Variants in MAPKAP1 observed in about 807,000 individuals in gnomAD.
The protein encoded by MAPKAP1 is target of rapamycin complex 2 subunit MAPKAP1.
In MAPKAP1, 20 loss-of-function variants were observed where a neutral mutation model predicts 65.7. The observed-to-expected ratio is 0.30, with a 90% CI of 0.21 to 0.44. The LOEUF is 0.44. Ranked by LOEUF, MAPKAP1 falls within the 20% of genes least tolerant of loss-of-function variation. MAPKAP1 has a pLI of 1.00. For synonymous variants in MAPKAP1, 222 were observed against 244.3 expected, an observed-to-expected ratio of 0.91 and a Z score of 0.85; for missense variants, 423 against 648.0, an observed-to-expected ratio of 0.65 and a Z score of 3.77.
In MAPKAP1 at chr9:125,585,605, G is replaced by T; in HGVS notation, c.621C>A (p.Ile207=). The T allele has an allele frequency of 6.2e-7, 1 of 1,614,224 alleles. No individual in the cohort carries two copies. Among genetic ancestry groups the T allele is most frequent in the Non-Finnish European group, 8.5e-7 (1 of 1,180,038 alleles). Residue 207 remains isoleucine, a synonymous_variant, in exon 5 of 12, where the codon ATC becomes ATA. Transcript: ENST00000265960. ...TMASARVQDL[I]GLICWQYTSE... is the part of the protein sequence containing the mutation. ...TTGTATACTGCCAGCAGATGAGCCC[G>T]ATCAGGTCCTGCACCCTGGCGCTGG...
At chr9:125,469,778 G>A (rs1009256804) in intron 9 of MAPKAP1, among the ~76,000 whole-genome samples, 2 of 152,216 alleles carry the variant, frequency 1.3e-5, no homozygotes, top group African/African-American at 4.8e-5. Context: ...GGGTGAGAAT[G>A]TATCAGGAGA....
At chr9:125,627,967 C>T (rs574694711) in intron 4 of MAPKAP1, among the ~76,000 whole-genome samples, 20 of 152,164 alleles carry the variant, frequency 1.3e-4, no homozygotes, top group African/African-American at 4.1e-4. Flanking sequence ...TAATTCTCTA[C>T]GACAAAGGCG....
intron 3 of MAPKAP1, among the ~76,000 whole-genome samples, chr9:125,663,857 T>C (rs945771272): frequency 6.6e-6 from 1 of 152,106 alleles, no homozygotes; most frequent in Non-Finnish European, 1.5e-5. Context: ...TCCTGACGAA[T>C]ATAAACAGTT....
At chr9:125,585,800 T>G in intron 4 of MAPKAP1, 73 bp from the exon 5 acceptor site, 3 of 1,428,916 alleles carry the variant, frequency 2.1e-6, no homozygotes, top group Non-Finnish European at 2.9e-6. Flanking sequence ...TCCAGGCCTG[T>G]GGGCAGCACA....
At chr9:125,500,889 C>CTTTAAA (rs1372420252) in intron 8 of MAPKAP1, among the ~76,000 whole-genome samples, 1 of 152,058 alleles carries the variant, frequency 6.6e-6, no homozygotes, top group Non-Finnish European at 1.5e-5. Context: ...AGATGACAGA[C>CTTTAAA]TTTAAAGAAT....
intron 8 of MAPKAP1, among the ~76,000 whole-genome samples, chr9:125,491,070 G>A (rs571265432): frequency 6.6e-6 from 1 of 151,678 alleles, no homozygotes; most frequent in South Asian, 2.1e-4. Context: ...GCCAGTAGGC[G>A]GAGGCTGAAG....
chr9:125,646,714 G>A (rs1378148728), intron 4 of MAPKAP1, among the ~76,000 whole-genome samples: 2 of 152,124 alleles, frequency 1.3e-5, no homozygotes, highest in Non-Finnish European at 2.9e-5. Flanking sequence ...AAAGAACCCA[G>A]CAAGTTATTG....
intron 1 of MAPKAP1, among the ~76,000 whole-genome samples, chr9:125,698,284 TATAAATATATATA>T (rs1835456610): frequency 3.9e-5 from 1 of 25,906 alleles, no homozygotes; most frequent in African/African-American, 3.2e-4. Flanking sequence ...ACATAATATA[TATAAATATATATA>T]TATATATATA....
Position 125,438,462 on chromosome 9 carries a change from C to T in MAPKAP1, c.*425G>A, listed in dbSNP as rs1852368222. The T allele has an allele frequency of 5.0e-6, 2 of 400,966 alleles. No individual in the cohort carries two copies. Among genetic ancestry groups the T allele is most frequent in the Non-Finnish European group, 8.8e-6 (2 of 227,436 alleles). The allele number at this position is 400,966 out of a possible 1,614,324, so 24.8% of individuals were successfully genotyped here. A position where few individuals can be genotyped will look rare whatever the true frequency, so the allele number is the denominator to read the frequency against. ...CCGCCCCAAAGAATGGTCCATCATA[C>T]CAACCATGATAAAGAGTACACCTGT... On this transcript the variant is annotated 3_prime_UTR_variant, in exon 12 of 12. Coordinates refer to ENST00000265960, the MANE Select transcript of MAPKAP1 (RefSeq NM_001006617.3).
chr9:125,473,547 G>A (rs552921425), intron 9 of MAPKAP1, among the ~76,000 whole-genome samples: 28 of 152,188 alleles, frequency 1.8e-4, no homozygotes, highest in African/African-American at 6.0e-4. Context: ...AAACAAAAAC[G>A]CAACTCTAAT....
chr9:125,643,702 T>C (rs1293924365), intron 4 of MAPKAP1, among the ~76,000 whole-genome samples: 2 of 152,196 alleles, frequency 1.3e-5, no homozygotes, highest in Non-Finnish European at 2.9e-5. Flanking sequence ...CATTTGTATA[T>C]ACGTTTCTGA....
chr9:125,620,450 A>G (rs1446854526), intron 4 of MAPKAP1, among the ~76,000 whole-genome samples: 2 of 152,248 alleles, frequency 1.3e-5, no homozygotes, highest in African/African-American at 4.8e-5. Flanking sequence ...ACAATTTGGC[A>G]ATACTTACAA....
intron 3 of MAPKAP1, among the ~76,000 whole-genome samples, chr9:125,668,252 T>C (rs1001992361): frequency 4.6e-5 from 7 of 152,150 alleles, no homozygotes. Context: ...TTATCACACT[T>C]CCCTCCATGT....
intron 3 of MAPKAP1, among the ~76,000 whole-genome samples, chr9:125,666,792 C>A (rs1588054392): frequency 2.0e-5 from 3 of 152,288 alleles, no homozygotes; most frequent in Admixed American, 2.0e-4. Flanking sequence ...ACTGCTGATT[C>A]CACTTTTCTA....
chr9:125,488,130 C>G (rs7046471), intron 8 of MAPKAP1, among the ~76,000 whole-genome samples: 34 of 151,908 alleles, frequency 2.2e-4, no homozygotes, highest in African/African-American at 7.7e-4. Flanking sequence ...TCTCTGATAG[C>G]GTAAATTCAT....
At chr9:125,535,670 TTTC>T (rs1385066911) in intron 7 of MAPKAP1, among the ~76,000 whole-genome samples, 1 of 152,224 alleles carries the variant, frequency 6.6e-6, no homozygotes, top group African/African-American at 2.4e-5. Context: ...CTTTCCAGAA[TTTC>T]TTAATTCTGA....
chr9:125,464,204 TAAA>T (rs57497941), intron 10 of MAPKAP1, among the ~76,000 whole-genome samples: 924 of 83,320 alleles, frequency 0.011, 25 homozygotes, highest in Middle Eastern at 0.065. Context: ...TCTCATATAT[TAAA>T]AAAAAAAAAA....
At chr9:125,477,951 G>GAA (rs1256586793) in intron 9 of MAPKAP1, 2 of 152,190 alleles carry the variant, frequency 1.3e-5, no homozygotes, top group African/African-American at 4.8e-5. Context: ...CTGACAGAGG[G>GAA]AAAGCAGACA....
chr9:125,511,883 C>T (rs936303023), intron 7 of MAPKAP1, among the ~76,000 whole-genome samples: 5 of 152,262 alleles, frequency 3.3e-5, no homozygotes, highest in Middle Eastern at 3.4e-3. Flanking sequence ...TACTCTGCAG[C>T]GACGGGAAAA....
Sources: allele counts gnomAD v4.1 joint callset (sites outside exome capture counted in the v4.1 genomes callset), GRCh38; gene constraint gnomAD v4.1.1; transcripts MANE v1.5; gene names NCBI Gene and HGNC (gene_info 2026-07-23, HGNC 2026-07-21).